The following GPC5 variants were observed in gnomAD, a reference collection of about 807,000 sequenced individuals.
GPC5 encodes glypican 5, also known as glypican-5.
GPC5 carries 47 observed loss-of-function variants against 53.9 expected under a neutral mutation model. The observed-to-expected ratio is 0.87, with a 90% CI of 0.69 to 1.11. GPC5 has a LOEUF of 1.11. Among genes scored for constraint, GPC5 ranks in the 50% most tolerant of loss-of-function variants. The pLI is 0.00. For missense variants in GPC5, 748 were observed against 713.1 expected, an observed-to-expected ratio of 1.05 and a Z score of -0.56; for synonymous variants, 286 against 263.3, an observed-to-expected ratio of 1.09 and a Z score of -0.84.
At chr13:91,926,998 C>G (rs1176912509) in intron 6 of GPC5, among the ~76,000 whole-genome samples, 1 of 152,182 alleles carries the variant, frequency 6.6e-6, no homozygotes, top group African/African-American at 2.4e-5. Context: ...GGAACATCTA[C>G]TGAAATCATC....
chr13:92,030,732 C>A (rs2040834402), intron 6 of GPC5, among the ~76,000 whole-genome samples: 1 of 152,196 alleles, frequency 6.6e-6, no homozygotes, highest in Non-Finnish European at 1.5e-5. Flanking sequence ...TCTACTGGGA[C>A]AAGTGCGCAC....
intron 3 of GPC5, among the ~76,000 whole-genome samples, chr13:91,704,288 T>G (rs1319924779): frequency 1.3e-5 from 2 of 152,230 alleles, no homozygotes; most frequent in African/African-American, 4.8e-5. Context: ...AAAGTCTATT[T>G]CATCTAAGTA....
At chr13:91,785,094 T>A (rs1224762067) in intron 5 of GPC5, among the ~76,000 whole-genome samples, 1 of 152,248 alleles carries the variant, frequency 6.6e-6, no homozygotes, top group Non-Finnish European at 1.5e-5. Flanking sequence ...TTCTCACCGG[T>A]CATCCTGCCT....
chr13:91,963,671 AAT>A (rs770013557), intron 6 of GPC5, among the ~76,000 whole-genome samples: 2 of 152,158 alleles, frequency 1.3e-5, no homozygotes, highest in Non-Finnish European at 2.9e-5. Flanking sequence ...ACAAAAAGAT[AAT>A]GATTAAAATT....
chr13:91,724,966 C>T (rs1385370331), intron 3 of GPC5: 1 of 152,198 alleles, frequency 6.6e-6, no homozygotes, highest in Non-Finnish European at 1.5e-5. Context: ...TTGTAAAATG[C>T]TTTGAAAATC....
chr13:92,164,064 G>T (rs1049931239), intron 7 of GPC5, among the ~76,000 whole-genome samples: 1 of 152,118 alleles, frequency 6.6e-6, no homozygotes, highest in East Asian at 1.9e-4. Context: ...CCATGATTCA[G>T]TTACCTCCCA....
chr13:91,766,141 C>T (rs1002610103), intron 5 of GPC5, among the ~76,000 whole-genome samples: 29 of 152,132 alleles, frequency 1.9e-4, no homozygotes, highest in Non-Finnish European at 4.1e-4. Context: ...AAGAGAAGAA[C>T]ACAGAACAAA....
At chr13:92,451,735 C>T (rs991259761) in intron 7 of GPC5, among the ~76,000 whole-genome samples, 3 of 152,056 alleles carry the variant, frequency 2.0e-5, no homozygotes, top group Non-Finnish European at 1.5e-5. Context: ...TGTGTTTTCA[C>T]CTATTTTATA....
intron 7 of GPC5, among the ~76,000 whole-genome samples, chr13:92,283,279 A>G (rs947037135): frequency 2.7e-4 from 41 of 152,216 alleles, no homozygotes; most frequent in African/African-American, 9.4e-4. Context: ...TTAGACTCCC[A>G]CACAATAATA....
chr13:91,851,471 A>C (rs1226824789), intron 5 of GPC5, among the ~76,000 whole-genome samples: 2 of 151,902 alleles, frequency 1.3e-5, no homozygotes, highest in Admixed American at 1.3e-4. Context: ...CCGTACACTT[A>C]GGCTACAATA....
intron 6 of GPC5, among the ~76,000 whole-genome samples, chr13:91,930,327 G>GA (rs1015584788): frequency 7.9e-5 from 12 of 151,882 alleles, no homozygotes; most frequent in South Asian, 4.1e-4. Flanking sequence ...AAGGAATAAA[G>GA]AAAAAACACA....
chr13:92,339,913 A>G (rs955189732), intron 7 of GPC5: 1 of 152,138 alleles, frequency 6.6e-6, no homozygotes, highest in Non-Finnish European at 1.5e-5. Context: ...ATTTATGATG[A>G]TAAATGCACA....
In GPC5 at chr13:91,556,879, C is replaced by A. The variant is rs140213664; in HGVS notation, c.325+107957C>A. Among the ~76,000 whole-genome samples, 404 of 151,926 alleles carry A rather than the reference C, an allele frequency of 2.7e-3. 2 individuals carry two copies. The highest frequency in any genetic ancestry group is 0.024 in the Middle Eastern group (7 of 294). ...AAAATTGGGTTCAGTATATACTGCT[C>A]GGGTGATGGGTGCACCACAATCTCA... On this transcript the variant is annotated intron_variant, in intron 2 of 7. Transcript: ENST00000377067.
intron 2 of GPC5, among the ~76,000 whole-genome samples, chr13:91,557,030 G>C (rs2030997094): frequency 6.6e-6 from 1 of 151,982 alleles, no homozygotes; most frequent in Non-Finnish European, 1.5e-5. Context: ...CAGGTTTTTG[G>C]GTGGACGTAG....
At chr13:92,366,037 G>A (rs1360744620) in intron 7 of GPC5, among the ~76,000 whole-genome samples, 2 of 151,568 alleles carry the variant, frequency 1.3e-5, no homozygotes, top group Admixed American at 1.3e-4. Context: ...TTCTATACAA[G>A]TGGCAGAGCA....
chr13:92,072,182 G>A (rs1054403576), intron 6 of GPC5, among the ~76,000 whole-genome samples: 7 of 146,942 alleles, frequency 4.8e-5, no homozygotes, highest in African/African-American at 1.7e-4. Flanking sequence ...TGAATAAAAT[G>A]TATATATAAA....
At chr13:92,645,825 G>C (rs924847796) in intron 7 of GPC5, among the ~76,000 whole-genome samples, 1 of 151,354 alleles carries the variant, frequency 6.6e-6, no homozygotes, top group African/African-American at 2.4e-5. Context: ...TTGGTTTTTG[G>C]TGAAGTGTCT....
rs573449648 is a variant in GPC5 at position 91,448,689 on chromosome 13, AC to A, written c.164-71del. 5.0e-4 allele frequency: 742 copies of A among 1,498,166 alleles called. 5 individuals are homozygous for A. In the African/African-American group the frequency reaches 9.1e-3, roughly 18 times the overall value. The allele number at this position is 1,498,166 out of a possible 1,614,324, so 92.8% of individuals were successfully genotyped here. A position where few individuals can be genotyped will look rare whatever the true frequency, so the allele number is the denominator to read the frequency against. On this transcript the variant is annotated intron_variant, in intron 1 of 7. Transcript: ENST00000377067. Reference sequence around the variant, plus strand: ...TCCTTTGTGTGCAGGACTGGTCATAACGCCTGATATATAATATGTAATACTT... The same window carrying A: ...TCCTTTGTGTGCAGGACTGGTCATAAGCCTGATATATAATATGTAATACTT...
chr13:92,390,922 ATTAATT>A (rs889558141), intron 7 of GPC5, among the ~76,000 whole-genome samples: 9 of 152,164 alleles, frequency 5.9e-5, no homozygotes, highest in African/African-American at 2.2e-4. Context: ...CAATGTGTAG[ATTAATT>A]TTATTTTTAA....
Sources: allele counts gnomAD v4.1 joint callset (sites outside exome capture counted in the v4.1 genomes callset), GRCh38; gene constraint gnomAD v4.1.1; transcripts MANE v1.5; gene names NCBI Gene and HGNC (gene_info 2026-07-23, HGNC 2026-07-21).